Variants in SORCS1 observed in about 807,000 individuals in gnomAD.
The protein encoded by SORCS1 is VPS10 domain-containing receptor SorCS1.
Under a neutral mutation model 146.1 loss-of-function variants are expected in SORCS1, and 60 were observed. The ratio of observed to expected loss-of-function variants is 0.41; its 90% CI spans 0.33 to 0.51. The LOEUF (loss-of-function observed/expected upper bound fraction) is 0.51, where lower values mean the gene tolerates loss of function less well. Among genes scored for constraint, SORCS1 ranks in the 20% least tolerant of loss-of-function variants. SORCS1 has a pLI of 0.21. For synonymous variants in SORCS1, 637 were observed against 584.0 expected, an observed-to-expected ratio of 1.09 and a Z score of -1.31; for missense variants, 1,352 against 1,487.6, an observed-to-expected ratio of 0.91 and a Z score of 1.50.
At chr10:106,976,386 C>A (rs1336578213) in intron 1 of SORCS1, among the ~76,000 whole-genome samples, 1 of 144,264 alleles carries the variant, frequency 6.9e-6, no homozygotes, top group Non-Finnish European at 1.5e-5. Flanking sequence ...GACTGGAGTG[C>A]AGCTGCGCGA....
chr10:107,135,698 T>G (rs916008729), intron 1 of SORCS1, among the ~76,000 whole-genome samples: 3 of 152,248 alleles, frequency 2.0e-5, no homozygotes, highest in Non-Finnish European at 4.4e-5. Context: ...AGCATTATTC[T>G]CTACAATTTT....
intron 1 of SORCS1, among the ~76,000 whole-genome samples, chr10:107,070,145 G>T (rs1373362665): frequency 6.6e-6 from 1 of 152,178 alleles, no homozygotes; most frequent in Non-Finnish European, 1.5e-5. Flanking sequence ...TCATGCTGTA[G>T]TATGTATCAA....
intron 1 of SORCS1, among the ~76,000 whole-genome samples, chr10:107,023,247 C>G (rs1958231972): frequency 2.0e-5 from 3 of 152,182 alleles, no homozygotes; most frequent in Admixed American, 2.0e-4. Context: ...TCTTAGTACA[C>G]TGCTTTTTCA....
intron 2 of SORCS1, among the ~76,000 whole-genome samples, chr10:106,911,235 C>A (rs1019840495): frequency 8.5e-5 from 13 of 152,170 alleles, no homozygotes; most frequent in Non-Finnish European, 1.5e-4. Context: ...AACAGAAAAG[C>A]TGGCTTTTCA....
At chr10:106,617,402 T>C (rs1484139946) in intron 21 of SORCS1, among the ~76,000 whole-genome samples, 2 of 152,176 alleles carry the variant, frequency 1.3e-5, no homozygotes, top group African/African-American at 2.4e-5. Flanking sequence ...TCCATATTAA[T>C]AATAAACATT....
At chr10:106,983,735 C>T (rs920103038) in intron 1 of SORCS1, among the ~76,000 whole-genome samples, 11 of 152,262 alleles carry the variant, frequency 7.2e-5, no homozygotes, top group Admixed American at 2.0e-4. Context: ...TTCAAACATA[C>T]GCTGCCATCT....
chr10:106,909,252 T>A (rs957837322), intron 2 of SORCS1, among the ~76,000 whole-genome samples: 1 of 152,240 alleles, frequency 6.6e-6, no homozygotes, highest in Non-Finnish European at 1.5e-5. Context: ...TTGCCCTCAA[T>A]CTATTGCTCT....
chr10:106,916,369 T>C (rs1327942181), intron 2 of SORCS1, among the ~76,000 whole-genome samples: 2 of 151,710 alleles, frequency 1.3e-5, no homozygotes, highest in African/African-American at 2.4e-5. Context: ...CATTATACTA[T>C]TGGCTATTCC....
At chr10:107,175,055 T>C in the SORCS1 span, among the ~76,000 whole-genome samples, 3 of 152,336 alleles carry the variant, frequency 2.0e-5, no homozygotes, top group Middle Eastern at 0.01. Context: ...GTTCTGTCAA[T>C]ATTAACTAAT....
chr10:107,089,352 T>G (rs183382203), intron 1 of SORCS1, among the ~76,000 whole-genome samples: 4 of 152,200 alleles, frequency 2.6e-5, no homozygotes, highest in African/African-American at 9.6e-5. Context: ...AGTTATTATG[T>G]GATTCCCATC....
intron 1 of SORCS1, among the ~76,000 whole-genome samples, chr10:107,047,310 T>G (rs955948611): frequency 2.0e-5 from 3 of 152,146 alleles, no homozygotes; most frequent in Non-Finnish European, 4.4e-5. Context: ...TTATTTTAGA[T>G]AAAGTCCAGA....
At chr10:106,976,333 G>GTTTTTTTTTTGTTT (rs757120275) in intron 1 of SORCS1, among the ~76,000 whole-genome samples, 36 of 113,796 alleles carry the variant, frequency 3.2e-4, no homozygotes, top group South Asian at 5.4e-4. Context: ...AGGTTTTTTT[G>GTTTTTTTTTTGTTT]TTTTTTTTTT....
At chr10:106,669,695 AT>A (rs1851441054) in intron 16 of SORCS1, among the ~76,000 whole-genome samples, 2 of 152,246 alleles carry the variant, frequency 1.3e-5, no homozygotes. Context: ...GATTTCGATG[AT>A]TTGAGCTCCC....
chr10:107,136,236 T>C (rs1565091090), intron 1 of SORCS1, among the ~76,000 whole-genome samples: 1 of 152,220 alleles, frequency 6.6e-6, no homozygotes, highest in African/African-American at 2.4e-5. Context: ...CCAAAGACTT[T>C]TCACAGGAGT....
intron 23 of SORCS1, among the ~76,000 whole-genome samples, chr10:106,605,641 A>C (rs1846523379): frequency 6.6e-6 from 1 of 152,160 alleles, no homozygotes; most frequent in African/African-American, 2.4e-5. Flanking sequence ...AGTGCAGATA[A>C]TAATTTGTAG....
chr10:106,916,922 T>C (rs1287222763), intron 2 of SORCS1, among the ~76,000 whole-genome samples: 2 of 152,124 alleles, frequency 1.3e-5, no homozygotes, highest in African/African-American at 4.8e-5. Flanking sequence ...TTTGTATTTT[T>C]AGTAGAGACG....
intron 4 of SORCS1, among the ~76,000 whole-genome samples, chr10:106,774,014 C>T (rs560305186): frequency 2.6e-4 from 39 of 152,056 alleles, no homozygotes; most frequent in Non-Finnish European, 4.9e-4. Flanking sequence ...GTAGAATATC[C>T]ACATGTGATA....
chr10:106,959,528 A>T (rs4918271), intron 1 of SORCS1, among the ~76,000 whole-genome samples: 33,369 of 152,112 alleles, frequency 0.22, 5,982 homozygotes, highest in African/African-American at 0.46. Context: ...TTCACAAATC[A>T]GTTTCTGTTA....
At chr10:107,042,597 CG>C (rs34574609) in intron 1 of SORCS1, among the ~76,000 whole-genome samples, 1 of 142,888 alleles carries the variant, frequency 7.0e-6, no homozygotes, top group Admixed American at 6.9e-5. Flanking sequence ...ATTTTACCAG[CG>C]GGGAAGTGAA....
Sources: allele counts gnomAD v4.1 joint callset (sites outside exome capture counted in the v4.1 genomes callset), GRCh38; gene constraint gnomAD v4.1.1; transcripts MANE v1.5; gene names NCBI Gene and HGNC (gene_info 2026-07-23, HGNC 2026-07-21).